The following DHRS4 variants were observed in gnomAD, a reference collection of about 807,000 sequenced individuals.
DHRS4 encodes the protein dehydrogenase/reductase 4.
DHRS4 carries 20 observed loss-of-function variants against 28.4 expected under a neutral mutation model. That is an observed-to-expected ratio of 0.71 (90% CI 0.50 to 1.02). DHRS4 has a LOEUF of 1.02. DHRS4 is among the 50% of genes least tolerant of loss of function. DHRS4 has a pLI of 0.00. For missense variants in DHRS4, 378 were observed against 367.2 expected, an observed-to-expected ratio of 1.03 and a Z score of -0.24; for synonymous variants, 144 against 146.4, an observed-to-expected ratio of 0.98 and a Z score of 0.12.
intron 3 of DHRS4, among the ~76,000 whole-genome samples, chr14:23,961,716 T>C (rs1386132624): frequency 4.5e-5 from 4 of 88,966 alleles, no homozygotes; most frequent in African/African-American, 9.1e-5. Flanking sequence ...TTTCACTGTG[T>C]TGCTCAGGCT....
Position 23,960,023 on chromosome 14 carries a change from G to A in DHRS4, c.408+20G>A, listed in dbSNP as rs775040561. On this transcript the variant is annotated intron_variant, in intron 3 of 7. Transcript: ENST00000313250. ...GACAAGGTGAGAGGGGATTAAAGCAGGGGGGCCGGGGGGGGCGCCTTGGAA... is the reference window on the plus strand; with the variant it reads ...GACAAGGTGAGAGGGGATTAAAGCAAGGGGGCCGGGGGGGGCGCCTTGGAA... 3.9e-6 allele frequency: 6 copies of A among 1,557,708 alleles called. No individual in the cohort carries two copies. The highest frequency in any genetic ancestry group is 1.6e-5 in the African/African-American group (1 of 61,094).
At chr14:23,967,467 G>C in intron 7 of DHRS4, 1 of 1,016,138 alleles carries the variant, frequency 9.8e-7, no homozygotes, top group Admixed American at 2.0e-5. Context: ...TAAACACAGA[G>C]ACATCGGGGT....
intron 3 of DHRS4, among the ~76,000 whole-genome samples, chr14:23,962,557 G>C (rs1293322240): frequency 2.6e-5 from 4 of 151,916 alleles, no homozygotes; most frequent in South Asian, 2.1e-4. Flanking sequence ...TCGTGAGATT[G>C]TAGCAATTCA....
chr14:23,958,133 A>G (rs377469993), intron 2 of DHRS4, among the ~76,000 whole-genome samples: 17 of 152,104 alleles, frequency 1.1e-4, no homozygotes, highest in East Asian at 2.0e-4. Context: ...GTGCCAGGAT[A>G]CCAAAATTTA....
intron 2 of DHRS4, among the ~76,000 whole-genome samples, chr14:23,957,307 T>C (rs2033214793): frequency 6.6e-6 from 1 of 151,650 alleles, no homozygotes. Flanking sequence ...AAATGTCTTC[T>C]GCCAGTTGCC....
At chr14:23,959,178 T>C (rs1315935911) in intron 2 of DHRS4, among the ~76,000 whole-genome samples, 1 of 152,036 alleles carries the variant, frequency 6.6e-6, no homozygotes, top group East Asian at 1.9e-4. Flanking sequence ...CTTGAAATCA[T>C]GAGAATGAAG....
chr14:23,958,337 T>A (rs1337289119), intron 2 of DHRS4, among the ~76,000 whole-genome samples: 1 of 152,190 alleles, frequency 6.6e-6, no homozygotes, highest in South Asian at 2.1e-4. Flanking sequence ...CCCCTCTGTG[T>A]GCCAAATCCG....
rs992359774 is a variant in DHRS4, at chr14:23,965,444, T to G, written c.409-318T>G. On this transcript the variant is annotated intron_variant, in intron 3 of 7. Transcript: ENST00000313250. Reference sequence around the variant, plus strand: ...CTGACAATTCCAGGCTCTACCTACTTGGAAGAAACAGAGAAAACACAGCTC... The same window carrying G: ...CTGACAATTCCAGGCTCTACCTACTGGGAAGAAACAGAGAAAACACAGCTC... Among the ~76,000 whole-genome samples the G allele has an allele frequency of 2.1e-4, 22 of 105,874 alleles. 1 individual carries two copies. Among genetic ancestry groups the G allele is most frequent in the Non-Finnish European group, 3.4e-4 (19 of 56,096 alleles). 69.5% of individuals were successfully genotyped at this position (105,874 alleles called of 152,430 possible). A position where few individuals can be genotyped will look rare whatever the true frequency, so the allele number is the denominator to read the frequency against.
At chr14:23,958,413 G>A (rs1049269964) in intron 2 of DHRS4, among the ~76,000 whole-genome samples, 5 of 152,118 alleles carry the variant, frequency 3.3e-5, no homozygotes, top group South Asian at 2.1e-4. Context: ...TGCCAGTTCC[G>A]GGCAAACGGA....
chr14:23,955,935 GC>G (rs1419189653), intron 2 of DHRS4, among the ~76,000 whole-genome samples: 3 of 152,228 alleles, frequency 2.0e-5, no homozygotes, highest in Non-Finnish European at 4.4e-5. Context: ...GAGGCTCACG[GC>G]ATACACTTTA....
chr14:23,963,077 A>T (rs2033482422), intron 3 of DHRS4, among the ~76,000 whole-genome samples: 2 of 119,380 alleles, frequency 1.7e-5, no homozygotes, highest in Non-Finnish European at 3.2e-5. Flanking sequence ...ACCATGCTAT[A>T]AACAGATGTG....
At chr14:23,961,136 G>T (rs1273745917) in intron 3 of DHRS4, among the ~76,000 whole-genome samples, 3 of 151,392 alleles carry the variant, frequency 2.0e-5, no homozygotes, top group Non-Finnish European at 2.9e-5. Context: ...TTCAACATGG[G>T]ACTTAGAGGG....
At chr14:23,957,729 A>T (rs568316855) in intron 2 of DHRS4, among the ~76,000 whole-genome samples, 14 of 148,132 alleles carry the variant, frequency 9.5e-5, no homozygotes, top group Non-Finnish European at 3.0e-5. Flanking sequence ...TTCATTTTTT[A>T]AATTTTTTGT....
rs1443744399 is a variant in DHRS4 at position 23,955,032 on chromosome 14, C to A, written c.129-3C>A. ...AGCAGTCTTTGTCTCTTTCTGCTCA[C>A]AGGATCGGCTTCGCCATCGCCCGGC... On this transcript the variant is annotated splice_polypyrimidine_tract_variant and splice_region_variant and intron_variant, in intron 1 of 7. Coordinates refer to ENST00000313250, the MANE Select transcript of DHRS4 (RefSeq NM_021004.4). 1.2e-6 allele frequency: 2 copies of A among 1,614,156 alleles called. No homozygotes were observed. Among genetic ancestry groups the A allele is most frequent in the Admixed American group, 3.3e-5 (2 of 60,008 alleles).
intron 3 of DHRS4, among the ~76,000 whole-genome samples, chr14:23,960,748 T>C (rs1233024295): frequency 6.6e-6 from 1 of 152,128 alleles, no homozygotes; most frequent in African/African-American, 2.4e-5. Context: ...TTCTGCGTTT[T>C]ACACTGATGT....
intron 1 of DHRS4, among the ~76,000 whole-genome samples, chr14:23,954,714 G>T (rs1364229745): frequency 6.6e-6 from 1 of 152,224 alleles, no homozygotes; most frequent in African/African-American, 2.4e-5. Flanking sequence ...AATCACGGAA[G>T]TGGCTGCTGC....
Position 23,967,191 on chromosome 14 carries a change from G to T in DHRS4, c.667-20G>T, listed in dbSNP as rs1467851111. On this transcript the variant is annotated intron_variant, in intron 6 of 7. Transcript: ENST00000313250. ...GAAAAAGAAAAAAAAAACATAAAGA[G>T]ATTTCCCTTCTTCCTGCAGCTCTGG... is the stretch of plus-strand genomic sequence containing the variant. 1 of 1,604,478 alleles carries T rather than the reference G, an allele frequency of 6.2e-7. No homozygotes were observed. The highest frequency in any genetic ancestry group is 1.7e-5 in the Admixed American group (1 of 57,680).
intron 1 of DHRS4, among the ~76,000 whole-genome samples, chr14:23,954,520 A>T (rs780467620): frequency 6.6e-6 from 1 of 152,264 alleles, no homozygotes; most frequent in Non-Finnish European, 1.5e-5. Flanking sequence ...AAATGTAGGT[A>T]AAATGCTAAT....
intron 3 of DHRS4, 79 bp from the exon 4 acceptor site, chr14:23,965,683 C>T: frequency 2.6e-6 from 3 of 1,173,156 alleles, no homozygotes; most frequent in Non-Finnish European, 3.7e-6. Flanking sequence ...TCCTAGGAAC[C>T]CACTCTAACT....
Sources: allele counts gnomAD v4.1 joint callset (sites outside exome capture counted in the v4.1 genomes callset), GRCh38; gene constraint gnomAD v4.1.1; transcripts MANE v1.5; gene names NCBI Gene and HGNC (gene_info 2026-07-23, HGNC 2026-07-21).